The following NCAM2 variants were observed in gnomAD, a reference collection of about 807,000 sequenced individuals.
NCAM2 encodes N-CAM-2.
NCAM2 carries 30 observed loss-of-function variants against 98.1 expected under a neutral mutation model. The ratio of observed to expected loss-of-function variants is 0.31; its 90% CI spans 0.23 to 0.41. The LOEUF is 0.41. Ranked by LOEUF, NCAM2 falls within the 10% of genes least tolerant of loss-of-function variation. NCAM2 has a pLI of 1.00. For missense variants in NCAM2, 867 were observed against 1,005.8 expected (o/e 0.86, Z 1.87); for synonymous variants, 368 against 342.4 (o/e 1.07, Z -0.83).
At position 21,125,714 on chromosome 21, in the gene NCAM2, T is replaced by TATAGAGAGAGAG. The variant is rs1555887746; in HGVS notation, c.55+127097_55+127098insTAGAGAGAGAGA. Among the ~76,000 whole-genome samples the TATAGAGAGAGAG allele has an allele frequency of 1.5e-3, 197 of 134,384 alleles. 1 individual carries two copies. The highest frequency in any genetic ancestry group is 4.5e-3 in the Middle Eastern group (1 of 224). The allele number at this position is 134,384 out of a possible 152,430, so 88.2% of individuals were successfully genotyped here. A position where few individuals can be genotyped will look rare whatever the true frequency, so the allele number is the denominator to read the frequency against. The stretch of plus-strand genomic sequence containing the variant: ...TAATAATATTTTACATATATATATA[T>TATAGAGAGAGAG]AGAGAGAGAGAGATTGAGGTTTTCC... On this transcript the variant is annotated intron_variant, in intron 1 of 17. Transcript: ENST00000400546.
chr21:21,013,613 C>A (rs1017039109), intron 1 of NCAM2, among the ~76,000 whole-genome samples: 1 of 152,094 alleles, frequency 6.6e-6, no homozygotes, highest in African/African-American at 2.4e-5. Flanking sequence ...GAAACCCCGC[C>A]TCTACTAAAA....
intron 1 of NCAM2, among the ~76,000 whole-genome samples, chr21:21,046,909 GTT>G (rs1365070404): frequency 6.6e-6 from 1 of 152,100 alleles, no homozygotes; most frequent in Non-Finnish European, 1.5e-5. Flanking sequence ...TTTGATAATT[GTT>G]TTGTCAGAAT....
intron 1 of NCAM2, among the ~76,000 whole-genome samples, chr21:21,057,541 G>A (rs79474807): frequency 6.6e-6 from 1 of 152,122 alleles, no homozygotes; most frequent in African/African-American, 2.4e-5. Context: ...AGTGCTTCCT[G>A]CTGGGACAAA....
intron 1 of NCAM2, among the ~76,000 whole-genome samples, chr21:21,127,860 C>T (rs2066859927): frequency 6.6e-6 from 1 of 151,984 alleles, no homozygotes; most frequent in Non-Finnish European, 1.5e-5. Context: ...ATATTTATGT[C>T]TCTAAATATA....
chr21:21,335,090 A>T (rs1455823210), intron 6 of NCAM2, among the ~76,000 whole-genome samples: 1 of 152,072 alleles, frequency 6.6e-6, no homozygotes, highest in East Asian at 1.9e-4. Flanking sequence ...TTTTCTACAT[A>T]AATTATTTTA....
chr21:21,191,320 C>G (rs553932892), intron 1 of NCAM2, among the ~76,000 whole-genome samples: 1 of 152,244 alleles, frequency 6.6e-6, no homozygotes, highest in South Asian at 2.1e-4. Context: ...GGCTATAAGA[C>G]CAATGATGGA....
chr21:21,531,137 T>C (rs1450357302), intron 16 of NCAM2, among the ~76,000 whole-genome samples: 1 of 152,164 alleles, frequency 6.6e-6, no homozygotes, highest in Admixed American at 6.5e-5. Flanking sequence ...TATTTAACCT[T>C]TTCTCTTACT....
At chr21:21,439,826 T>A (rs1422522928) in intron 12 of NCAM2, among the ~76,000 whole-genome samples, 1 of 152,238 alleles carries the variant, frequency 6.6e-6, no homozygotes, top group Non-Finnish European at 1.5e-5. Flanking sequence ...TACTCTTGCA[T>A]CCTAATAAGC....
At chr21:21,390,877 T>C (rs77776845) in intron 9 of NCAM2, among the ~76,000 whole-genome samples, 1 of 152,330 alleles carries the variant, frequency 6.6e-6, no homozygotes, top group East Asian at 1.9e-4. Flanking sequence ...AAAATAGTAT[T>C]CACCTTTGTG....
intron 1 of NCAM2, among the ~76,000 whole-genome samples, chr21:21,114,296 T>C (rs1195330182): frequency 6.6e-6 from 1 of 152,214 alleles, no homozygotes; most frequent in Non-Finnish European, 1.5e-5. Context: ...TTTTATTTTT[T>C]AAAGCCCTTT....
intron 5 of NCAM2, among the ~76,000 whole-genome samples, chr21:21,295,464 A>T (rs1244400313): frequency 6.6e-6 from 1 of 151,890 alleles, no homozygotes; most frequent in Non-Finnish European, 1.5e-5. Flanking sequence ...TATGTGAAGT[A>T]TGGCGCCTCC....
intron 5 of NCAM2, among the ~76,000 whole-genome samples, chr21:21,300,881 T>G (rs1025560936): frequency 2.4e-4 from 37 of 152,162 alleles, no homozygotes; most frequent in Middle Eastern, 3.4e-3. Flanking sequence ...AGTAATGCAC[T>G]TCCAGATATC....
At chr21:21,362,116 CTT>C (rs571714563) in intron 8 of NCAM2, among the ~76,000 whole-genome samples, 1 of 146,834 alleles carries the variant, frequency 6.8e-6, no homozygotes. Context: ...ATTTCAGTAA[CTT>C]TTTTTTTTTT....
At chr21:21,082,312 A>G (rs1601315773) in intron 1 of NCAM2, among the ~76,000 whole-genome samples, 1 of 147,874 alleles carries the variant, frequency 6.8e-6, no homozygotes, top group African/African-American at 2.5e-5. Context: ...AAAACACCTT[A>G]TTGATTGCAG....
chr21:21,461,096 A>G lies in NCAM2; in HGVS notation c.1655-5510A>G, dbSNP rs536767724. Among the ~76,000 whole-genome samples the G allele has an allele frequency of 8.6e-5, 13 of 152,042 alleles. No individual in the cohort carries two copies. In the East Asian group the frequency reaches 2.3e-3, roughly 27 times the overall value. On this transcript the variant is annotated intron_variant, in intron 12 of 17. Coordinates refer to ENST00000400546, the MANE Select transcript of NCAM2 (RefSeq NM_004540.5). ...TTATAAAAATCTACGCATTTAGACT[A>G]TAGAAGGAAATGTTTAGTAATTACA... is the stretch of plus-strand genomic sequence containing the variant.
chr21:21,049,183 C>CT (rs1335529336), intron 1 of NCAM2, among the ~76,000 whole-genome samples: 28 of 144,394 alleles, frequency 1.9e-4, no homozygotes, highest in African/African-American at 6.9e-4. Flanking sequence ...CCGCGCCCGG[C>CT]TAATTTTTTG....
At chr21:21,229,432 A>G (rs1981560904) in intron 1 of NCAM2, among the ~76,000 whole-genome samples, 2 of 151,544 alleles carry the variant, frequency 1.3e-5, no homozygotes, top group Admixed American at 6.6e-5. Context: ...CTTAGGCATT[A>G]TAGTATTAAT....
intron 12 of NCAM2, among the ~76,000 whole-genome samples, chr21:21,443,457 A>G (rs1979623920): frequency 6.6e-6 from 1 of 151,402 alleles, no homozygotes; most frequent in African/African-American, 2.4e-5. Flanking sequence ...TCTCTTCCCT[A>G]TTGTGCTTGC....
At chr21:21,356,222 T>G (rs1166512195) in intron 8 of NCAM2, among the ~76,000 whole-genome samples, 1 of 152,192 alleles carries the variant, frequency 6.6e-6, no homozygotes, top group Non-Finnish European at 1.5e-5. Flanking sequence ...CGTAAATATT[T>G]CTTACAACAC....
Sources: gnomAD v4.1 joint callset for allele counts (sites outside exome capture counted in the v4.1 genomes callset) on GRCh38, gnomAD v4.1.1 for gene constraint, MANE v1.5 for transcripts, NCBI Gene and HGNC (gene_info 2026-07-23, HGNC 2026-07-21) for gene names.